Variants in PDE1C observed in about 807,000 individuals in gnomAD.
The protein encoded by PDE1C is dual specificity calcium/calmodulin-dependent 3',5'-cyclic nucleotide phosphodiesterase 1C.
A neutral mutation model predicts 93.1 loss-of-function variants in PDE1C; 62 were observed. That is an observed-to-expected ratio of 0.67 (90% confidence interval 0.54 to 0.82). The LOEUF is 0.82. PDE1C is among the 40% of genes least tolerant of loss of function. PDE1C has a pLI of 0.00. For missense variants in PDE1C, 742 were observed against 884.6 expected, an observed-to-expected ratio of 0.84 and a Z score of 2.04; for synonymous variants, 325 against 310.1, an observed-to-expected ratio of 1.05 and a Z score of -0.50.
chr7:32,078,658 C>T (rs1481991660), intron 3 of PDE1C, among the ~76,000 whole-genome samples: 1 of 152,156 alleles, frequency 6.6e-6, no homozygotes, highest in East Asian at 1.9e-4. Context: ...GGCATGGTAG[C>T]TCACACCTAT....
chr7:32,008,433 T>G lies in PDE1C; in HGVS notation c.128+43121A>C, dbSNP rs534819435. ...GTCTTCCTTGGGTAGACAAAGGAAC[T>G]CGAGGTCCAGTCTCTGATGAACTAC... On this transcript the variant is annotated intron_variant, in intron 2 of 17. Coordinates refer to ENST00000396191, the MANE Select transcript of PDE1C (RefSeq NM_001191057.4). Among the ~76,000 whole-genome samples, 10 of 152,294 alleles carry G rather than the reference T, an allele frequency of 6.6e-5. No homozygotes were observed. The South Asian group carries it at 2.1e-3, about 32-fold the overall frequency.
the PDE1C span, among the ~76,000 whole-genome samples, chr7:31,681,605 C>A: frequency 6.6e-6 from 1 of 152,126 alleles, no homozygotes; most frequent in African/African-American, 2.4e-5. Flanking sequence ...TTTTCTGCGT[C>A]TGTCTCTCTC....
intron 3 of PDE1C, among the ~76,000 whole-genome samples, chr7:32,106,210 G>GGCC (rs1187920003): frequency 6.6e-6 from 1 of 151,870 alleles, no homozygotes; most frequent in Non-Finnish European, 1.5e-5. Flanking sequence ...GCAGAGATTG[G>GGCC]GCCTTGCTAC....
chr7:32,412,310 G>T (rs911678331), intron 1 of PDE1C, among the ~76,000 whole-genome samples: 1 of 152,040 alleles, frequency 6.6e-6, no homozygotes, highest in Non-Finnish European at 1.5e-5. Context: ...ACAAAAATTA[G>T]CCAGGCATGG....
At chr7:32,302,998 T>C (rs13225848), upstream of PDE1C, among the ~76,000 whole-genome samples, 15,969 of 152,290 alleles carry the variant, frequency 0.1, 945 homozygotes, top group East Asian at 0.13. Context: ...AATCATTGGC[T>C]GCAGGCAATG....
intron 16 of PDE1C, chr7:31,784,386 A>T (rs2128644048): frequency 6.6e-6 from 1 of 152,352 alleles, no homozygotes; most frequent in African/African-American, 2.4e-5. Flanking sequence ...TTGATTTCCC[A>T]TAAAGATTTC....
At chr7:32,247,986 T>C (rs1809090542) in intron 1 of PDE1C, among the ~76,000 whole-genome samples, 1 of 152,094 alleles carries the variant, frequency 6.6e-6, no homozygotes, top group Non-Finnish European at 1.5e-5. Flanking sequence ...AAGGAATGGA[T>C]TTCATAAACA....
At chr7:32,264,677 C>A (rs907817788) in intron 1 of PDE1C, among the ~76,000 whole-genome samples, 4 of 152,220 alleles carry the variant, frequency 2.6e-5, no homozygotes, top group African/African-American at 9.6e-5. Context: ...ATGAAGGCCA[C>A]TAGCAATTAT....
intron 1 of PDE1C, among the ~76,000 whole-genome samples, chr7:32,264,609 T>C (rs1370236813): frequency 6.6e-6 from 1 of 152,232 alleles, no homozygotes; most frequent in Non-Finnish European, 1.5e-5. Context: ...AGGAATACTC[T>C]GTGCCATCCA....
intron 4 of PDE1C, 118 bp downstream of exon 4, chr7:31,878,878 C>T (rs1044163002): frequency 1.0e-5 from 10 of 973,972 alleles, no homozygotes; most frequent in South Asian, 6.7e-5. Context: ...CTGTTTCTAC[C>T]CACAATTTTC....
At chr7:31,822,617 G>T (rs1264476267) in intron 14 of PDE1C, among the ~76,000 whole-genome samples, 2 of 152,118 alleles carry the variant, frequency 1.3e-5, no homozygotes. Context: ...GGGAAACTGA[G>T]AATATGAAAG....
chr7:31,726,016 A>G, the PDE1C span, among the ~76,000 whole-genome samples: 1 of 152,212 alleles, frequency 6.6e-6, no homozygotes, highest in Non-Finnish European at 1.5e-5. Flanking sequence ...GATGGTATAC[A>G]TTTTGGTGTA....
intron 14 of PDE1C, among the ~76,000 whole-genome samples, chr7:31,821,354 T>C (rs1349066293): frequency 3.3e-5 from 5 of 152,192 alleles, no homozygotes; most frequent in Admixed American, 1.3e-4. Flanking sequence ...CCTGAAACTG[T>C]CAAATGCTTC....
chr7:31,853,127 T>C (rs1793552936), intron 7 of PDE1C, among the ~76,000 whole-genome samples: 2 of 152,130 alleles, frequency 1.3e-5, no homozygotes, highest in Admixed American at 6.5e-5. Context: ...GATGCTTCCC[T>C]CCTTACCCAA....
chr7:32,336,752 C>T (rs1463769436), intron 1 of PDE1C, among the ~76,000 whole-genome samples: 1 of 152,174 alleles, frequency 6.6e-6, no homozygotes, highest in Non-Finnish European at 1.5e-5. Context: ...TAACTCATAA[C>T]CTTTACACAC....
chr7:32,362,925 A>G (rs570270631), intron 1 of PDE1C, among the ~76,000 whole-genome samples: 1 of 152,344 alleles, frequency 6.6e-6, no homozygotes, highest in South Asian at 2.1e-4. Context: ...TTTATGGTGG[A>G]TCATCCTATC....
the PDE1C span, among the ~76,000 whole-genome samples, chr7:31,742,901 A>T: frequency 6.6e-6 from 1 of 152,044 alleles, no homozygotes; most frequent in Non-Finnish European, 1.5e-5. Flanking sequence ...TACTCCAATG[A>T]TCTCTCAGTA....
intron 3 of PDE1C, among the ~76,000 whole-genome samples, chr7:32,079,359 A>T (rs1197658416): frequency 6.6e-6 from 1 of 152,250 alleles, no homozygotes. Context: ...GGGTGCTGAA[A>T]AGAAAAACAG....
chr7:32,411,920 T>G (rs1383194428), intron 1 of PDE1C, among the ~76,000 whole-genome samples: 2 of 152,138 alleles, frequency 1.3e-5, no homozygotes, highest in East Asian at 3.9e-4. Context: ...CTTTAAAAAC[T>G]AAGAAACAAA....
Sources: gnomAD v4.1 joint callset for allele counts (sites outside exome capture counted in the v4.1 genomes callset) on GRCh38, gnomAD v4.1.1 for gene constraint, MANE v1.5 for transcripts, NCBI Gene and HGNC (gene_info 2026-07-23, HGNC 2026-07-21) for gene names.